C5orf15: variants seen among roughly 807,000 people sequenced by gnomAD.
C5orf15 encodes keratinocyte-associated transmembrane protein 2.
C5orf15 carries 10 observed loss-of-function variants against 17.8 expected under a neutral mutation model. That is an observed-to-expected ratio of 0.56 (90% confidence interval 0.35 to 0.95). The LOEUF (loss-of-function observed/expected upper bound fraction) is 0.95. Among genes scored for constraint, C5orf15 ranks in the 40% least tolerant of loss-of-function variants. The probability of loss-of-function intolerance (pLI) is 0.02; values close to 1 mark genes in which losing one functional copy is unlikely to be tolerated. For synonymous variants in C5orf15, 124 were observed against 131.0 expected (o/e 0.95, Z 0.36); for missense variants, 319 against 331.7 (o/e 0.96, Z 0.30).
intron 2 of C5orf15, 62 bp downstream of exon 2, chr5:133,959,428 AGAAC>A: frequency 1.6e-6 from 1 of 612,444 alleles, no homozygotes; most frequent in South Asian, 5.0e-5. Context: ...AAAAAAAAAA[AGAAC>A]CATGAATCAT....
Position 133,956,807 on chromosome 5 carries a change from T to G in C5orf15, c.*52A>C. The G allele has an allele frequency of 6.5e-7, 1 of 1,548,842 alleles. No individual in the cohort carries two copies. The highest frequency in any genetic ancestry group is 8.7e-7 in the Non-Finnish European group (1 of 1,149,826). On this transcript the variant is annotated 3_prime_UTR_variant, in exon 3 of 3. Coordinates refer to ENST00000231512, the MANE Select transcript of C5orf15 (RefSeq NM_020199.3). ...TATGGCAAACATTTGCACAATATCA[T>G]ATAAAAAGTCAAGCAAATAAAATTA...
intron 2 of C5orf15, among the ~76,000 whole-genome samples, chr5:133,958,775 T>C (rs1266148792): frequency 6.6e-6 from 1 of 151,916 alleles, no homozygotes; most frequent in Non-Finnish European, 1.5e-5. Context: ...TGTAACACTT[T>C]ATAACCAGAA....
At chr5:133,960,190 TAGTC>T (rs912823075) in intron 1 of C5orf15, among the ~76,000 whole-genome samples, 170 bp from the exon 2 acceptor site, 2 of 152,230 alleles carry the variant, frequency 1.3e-5, no homozygotes, top group Non-Finnish European at 2.9e-5. Context: ...CATTTCTTCT[TAGTC>T]AGTTATTCTT....
intron 2 of C5orf15, among the ~76,000 whole-genome samples, chr5:133,958,491 C>T (rs1182492545): frequency 2.1e-5 from 3 of 146,184 alleles, no homozygotes; most frequent in Admixed American, 1.4e-4. Context: ...CCATGAAAAT[C>T]GCTTGAACCT....
rs777126644 is a variant in C5orf15 at position 133,968,535 on chromosome 5, A to C, written c.50T>G (p.Leu17Arg). 10 of 1,609,506 alleles carry C rather than the reference A, an allele frequency of 6.2e-6. No homozygotes were observed. The Admixed American group carries it at 1.7e-4, about 27-fold the overall frequency. Reference sequence around the variant, plus strand: ...GGCTTGGATGGCCGACCCGGGCAGCAGTTTCGCTTGTGCTGGCCCCCTCAT... The same window carrying C: ...GGCTTGGATGGCCGACCCGGGCAGCCGTTTCGCTTGTGCTGGCCCCCTCAT... ...KRMRGPAQAKLLPGSAIQALV... is the reference protein window; with the variant it reads ...KRMRGPAQAKRLPGSAIQALV... Residue 17 changes from leucine (L) to arginine (R), a missense_variant, in exon 1 of 3, where the codon CTG becomes CGG. Physicochemically the swap from Leu to Arg is moderately radical, Grantham distance 102. Coordinates refer to ENST00000231512, the MANE Select transcript of C5orf15 (RefSeq NM_020199.3).
intron 1 of C5orf15, among the ~76,000 whole-genome samples, chr5:133,963,467 T>C (rs954860244): frequency 6.6e-6 from 1 of 152,140 alleles, no homozygotes; most frequent in Non-Finnish European, 1.5e-5. Flanking sequence ...TAAAAACAAC[T>C]AAAAGCTCTG....
intron 1 of C5orf15, among the ~76,000 whole-genome samples, chr5:133,964,730 C>T (rs1209289317): frequency 6.6e-6 from 1 of 152,284 alleles, no homozygotes; most frequent in Non-Finnish European, 1.5e-5. Flanking sequence ...TTTGTAGTTA[C>T]TAAAACTAAA....
At chr5:133,961,232 TA>T (rs56684565) in intron 1 of C5orf15, among the ~76,000 whole-genome samples, 1,030 of 30,356 alleles carry the variant, frequency 0.034, 5 homozygotes, top group African/African-American at 0.12. Flanking sequence ...AGTCAGTTAG[TA>T]AAAAAAAAAA....
In C5orf15 at chr5:133,959,489, C is replaced by T; in HGVS notation, c.666+5G>A. The T allele has an allele frequency of 2.2e-6, 3 of 1,371,142 alleles. No homozygotes were observed. Among genetic ancestry groups the T allele is most frequent in the Non-Finnish European group, 2.9e-6 (3 of 1,051,418 alleles). 84.9% of individuals were successfully genotyped at this position (1,371,142 alleles called of 1,614,324 possible). A position where few individuals can be genotyped will look rare whatever the true frequency, so the allele number is the denominator to read the frequency against. ...AATAAAGGGCTAAAAAAATCCCAAACCTACCTTCCTTTTGTTGTGATATGT... is the reference window on the plus strand; with the variant it reads ...AATAAAGGGCTAAAAAAATCCCAAATCTACCTTCCTTTTGTTGTGATATGT... On this transcript the variant is annotated splice_donor_5th_base_variant and intron_variant, in intron 2 of 2. Coordinates refer to ENST00000231512, the MANE Select transcript of C5orf15 (RefSeq NM_020199.3).
intron 1 of C5orf15, among the ~76,000 whole-genome samples, chr5:133,961,232 T>TTAA (rs1450707193): frequency 0.04 from 1,227 of 30,398 alleles, 21 homozygotes; most frequent in Non-Finnish European, 0.059. Context: ...AGTCAGTTAG[T>TTAA]AAAAAAAAAA....
intron 2 of C5orf15, among the ~76,000 whole-genome samples, 164 bp from the exon 3 acceptor site, chr5:133,957,154 C>G (rs1157969713): frequency 6.6e-6 from 1 of 152,084 alleles, no homozygotes; most frequent in African/African-American, 2.4e-5. Flanking sequence ...CACTTGAGCC[C>G]AGGAGTCCGA....
In C5orf15 at chr5:133,956,247, T is replaced by G. The variant is rs190474658; in HGVS notation, c.*612A>C. ...TAGTATCTCTGTAACATTTTATCTA[T>G]GTCCACTGCAAGCTGCAGAGTCTCT... is the stretch of plus-strand genomic sequence containing the variant. On this transcript the variant is annotated 3_prime_UTR_variant, in exon 3 of 3. Transcript: ENST00000231512. 1.3e-5 allele frequency: 2 copies of G among 152,794 alleles called. No individual in the cohort carries two copies. The allele number at this position is 152,794 out of a possible 1,614,324, so 9.5% of individuals were successfully genotyped here.
chr5:133,961,102 C>T (rs1752115971), intron 1 of C5orf15, among the ~76,000 whole-genome samples: 1 of 151,680 alleles, frequency 6.6e-6, no homozygotes, highest in Admixed American at 6.6e-5. Flanking sequence ...AACAGACAAC[C>T]CTTTCTTCAT....
Position 133,959,800 on chromosome 5 carries a change from T to G in C5orf15, c.360A>C (p.Glu120Asp). ...PLSQEEADNNEDPSIEEEDLL... is the reference protein window; with the variant it reads ...PLSQEEADNNDDPSIEEEDLL... ...GATCCTCCTCCTCTATACTAGGATC[T>G]TCATTGTTATCAGCTTCCTCTTGAG... The change falls in exon 2 of 3, where the codon GAA becomes GAC. Residue 120 changes from glutamate to aspartate, a missense_variant. Physicochemically the swap from Glu to Asp is conservative, Grantham distance 45. Around this residue, in one of 3 missense-constraint regions of C5orf15, gnomAD observed 175 missense variants for 192.4 expected, o/e 0.91. Transcript: ENST00000231512. 6.2e-7 allele frequency: 1 copy of G among 1,614,126 alleles called. No homozygotes were observed. Among genetic ancestry groups the G allele is most frequent in the South Asian group, 1.1e-5 (1 of 91,072 alleles).
intron 1 of C5orf15, among the ~76,000 whole-genome samples, chr5:133,967,661 A>AC: frequency 6.6e-6 from 1 of 152,166 alleles, no homozygotes. Flanking sequence ...ATGCATTAAA[A>AC]CGAGGCAGGG....
Position 133,956,753 on chromosome 5 carries a change from A to T in C5orf15, c.*106T>A. 301 of 941,648 alleles carry T rather than the reference A, an allele frequency of 3.2e-4. No individual in the cohort carries two copies. The highest frequency in any genetic ancestry group is 4.2e-4 in the Non-Finnish European group (277 of 654,298). 58.3% of individuals were successfully genotyped at this position (941,648 alleles called of 1,614,324 possible). On this transcript the variant is annotated 3_prime_UTR_variant, in exon 3 of 3. Transcript: ENST00000231512. ...TCCAAAGCACCAAGGCAAAAGAGAG[A>T]CTCACCTCTCATTTAAGTACCAATT...
At chr5:133,964,612 G>T (rs1012238751) in intron 1 of C5orf15, among the ~76,000 whole-genome samples, 2 of 152,172 alleles carry the variant, frequency 1.3e-5, no homozygotes, top group African/African-American at 4.8e-5. Flanking sequence ...ACTGCCAAGT[G>T]AATCTATAAT....
intron 1 of C5orf15, among the ~76,000 whole-genome samples, chr5:133,967,798 A>T (rs2126879542): frequency 6.6e-6 from 1 of 151,940 alleles, no homozygotes; most frequent in African/African-American, 2.4e-5. Flanking sequence ...CAAACACCAG[A>T]ACCTCCCAGT....
At chr5:133,958,854 C>T (rs1367579942) in intron 2 of C5orf15, among the ~76,000 whole-genome samples, 2 of 151,880 alleles carry the variant, frequency 1.3e-5, no homozygotes, top group African/African-American at 4.8e-5. Context: ...ATTTTCTCCA[C>T]AAGTATTCCT....
Sources: gnomAD v4.1 joint callset for allele counts (sites outside exome capture counted in the v4.1 genomes callset) on GRCh38, gnomAD v4.1.1 for gene constraint, gnomAD v4.1.1 regional missense constraint, MANE v1.5 for transcripts, NCBI Gene and HGNC (gene_info 2026-07-23, HGNC 2026-07-21) for gene names.